The following STK32B variants were observed in gnomAD, a reference collection of about 807,000 sequenced individuals.
STK32B encodes serine/threonine-protein kinase 32B.
A neutral mutation model predicts 52.6 loss-of-function variants in STK32B; 43 were observed. The observed-to-expected ratio is 0.82, with a 90% CI of 0.64 to 1.05. The LOEUF (loss-of-function observed/expected upper bound fraction) is 1.05. Ranked by LOEUF, STK32B falls within the 50% of genes least tolerant of loss-of-function variation. The pLI is 0.00. For missense variants in STK32B, 621 were observed against 534.6 expected, an observed-to-expected ratio of 1.16 and a Z score of -1.59; for synonymous variants, 238 against 204.3, an observed-to-expected ratio of 1.17 and a Z score of -1.41.
chr4:5,498,849 A>G (rs1720497358), intron 11 of STK32B, 96 bp from the exon 12 acceptor site: 2 of 1,458,226 alleles, frequency 1.4e-6, no homozygotes, highest in Admixed American at 2.4e-5. Context: ...TTTGAGCTGA[A>G]GGCTCCACAG....
intron 3 of STK32B, among the ~76,000 whole-genome samples, chr4:5,201,015 A>G (rs1178970598): frequency 6.6e-6 from 1 of 152,212 alleles, no homozygotes; most frequent in Admixed American, 6.5e-5. Context: ...CTGTAAATGA[A>G]GAAATAGCTG....
chr4:5,456,957 G>C, intron 8 of STK32B, 34 bp downstream of exon 8: 1 of 1,445,220 alleles, frequency 6.9e-7, no homozygotes, highest in Non-Finnish European at 9.3e-7. Flanking sequence ...CCCCGCCAGG[G>C]AGCTACGGTG....
At chr4:5,349,863 A>G (rs1449391147) in intron 4 of STK32B, among the ~76,000 whole-genome samples, 1 of 152,208 alleles carries the variant, frequency 6.6e-6, no homozygotes, top group African/African-American at 2.4e-5. Context: ...CAGAGGCTTC[A>G]GTAATAGACT....
upstream of STK32B, among the ~76,000 whole-genome samples, chr4:5,048,541 C>T (rs1219984994): frequency 6.6e-6 from 1 of 152,188 alleles, no homozygotes; most frequent in East Asian, 1.9e-4. Flanking sequence ...AGGTAATCCA[C>T]CCACCTTGGC....
chr4:5,277,081 T>C (rs1392696431), intron 3 of STK32B, among the ~76,000 whole-genome samples: 1 of 152,226 alleles, frequency 6.6e-6, no homozygotes, highest in African/African-American at 2.4e-5. Flanking sequence ...ATCCTTATGA[T>C]ACATGTGGGG....
chr4:5,433,658 G>C (rs1167881225), intron 6 of STK32B, among the ~76,000 whole-genome samples: 1 of 152,154 alleles, frequency 6.6e-6, no homozygotes, highest in Non-Finnish European at 1.5e-5. Context: ...GTCAAGAAGA[G>C]AGCAAACACC....
At position 5,498,818 on chromosome 4, in the gene STK32B, A is replaced by G. The variant is rs535294878; in HGVS notation, c.1107-127A>G. 10 of 1,357,980 alleles carry G rather than the reference A, an allele frequency of 7.4e-6. No individual in the cohort carries two copies. The African/African-American group carries it at 7.5e-5, about 10-fold the overall frequency. The allele number at this position is 1,357,980 out of a possible 1,614,324, so 84.1% of individuals were successfully genotyped here. On this transcript the variant is annotated intron_variant, in intron 11 of 11. Transcript: ENST00000282908. ...AGCACCGTGGATGCCTTAATGATCA[A>G]TCTTCCCAGGTAGGGGAAGGTTTGA...
rs138725209 is a variant in STK32B, at chr4:5,353,672, A to G, written c.434+22279A>G. Among the ~76,000 whole-genome samples the G allele has an allele frequency of 1.8e-3, 280 of 152,344 alleles. 2 individuals carry two copies. Among genetic ancestry groups the G allele is most frequent in the African/African-American group, 6.3e-3 (264 of 41,590 alleles). ...ATCACTAATCATCAGGGAAATGAAAATCAAAAGAACAAGAAGATATTATCT... is the reference window on the plus strand; with the variant it reads ...ATCACTAATCATCAGGGAAATGAAAGTCAAAAGAACAAGAAGATATTATCT... On this transcript the variant is annotated intron_variant, in intron 4 of 11. Transcript: ENST00000282908.
intron 3 of STK32B, among the ~76,000 whole-genome samples, chr4:5,195,742 T>C (rs1040760422): frequency 6.6e-6 from 1 of 152,156 alleles, no homozygotes; most frequent in African/African-American, 2.4e-5. Flanking sequence ...TTCTGTGACG[T>C]CCTGGAAAAG....
chr4:5,061,213 G>C (rs1276724734), intron 1 of STK32B, among the ~76,000 whole-genome samples: 4 of 152,010 alleles, frequency 2.6e-5, no homozygotes, highest in African/African-American at 9.7e-5. Flanking sequence ...TTTTTAGTCT[G>C]AATATCTTCT....
At chr4:5,481,508 C>A (rs1035282103) in intron 11 of STK32B, among the ~76,000 whole-genome samples, 1 of 152,106 alleles carries the variant, frequency 6.6e-6, no homozygotes, top group Non-Finnish European at 1.5e-5. Context: ...GAGTAGATTG[C>A]AAAAATTTTC....
intron 3 of STK32B, among the ~76,000 whole-genome samples, chr4:5,275,506 C>G (rs1727753656): frequency 6.6e-6 from 1 of 152,126 alleles, no homozygotes; most frequent in Non-Finnish European, 1.5e-5. Flanking sequence ...GGAGGTGCAC[C>G]CTCTTTCGGG....
At chr4:5,023,311 G>A in the STK32B span, among the ~76,000 whole-genome samples, 2,693 of 152,246 alleles carry the variant, frequency 0.018, 35 homozygotes, top group Middle Eastern at 0.034. Flanking sequence ...CTGGGGTTTG[G>A]TAGAATAACA....
At chr4:5,455,038 A>G (rs578008267) in intron 7 of STK32B, among the ~76,000 whole-genome samples, 3 of 152,288 alleles carry the variant, frequency 2.0e-5, no homozygotes, top group East Asian at 3.9e-4. Flanking sequence ...TCCTCACTCA[A>G]TTAACAGATA....
intron 1 of STK32B, among the ~76,000 whole-genome samples, chr4:5,084,620 T>C (rs1480186512): frequency 6.6e-6 from 1 of 152,204 alleles, no homozygotes; most frequent in African/African-American, 2.4e-5. Flanking sequence ...CAGATTTTTA[T>C]TTTGTATTTC....
rs150179407 is a variant in STK32B at position 5,247,341 on chromosome 4, C to T, written c.260+78891C>T. ...CTCAGACTGCTGTGCTAGCAATGAGCGAGGCTCCATAGGCGTAGGACCCTC... is the reference window on the plus strand; with the variant it reads ...CTCAGACTGCTGTGCTAGCAATGAGTGAGGCTCCATAGGCGTAGGACCCTC... On this transcript the variant is annotated intron_variant, in intron 3 of 11. Transcript: ENST00000282908. Among the ~76,000 whole-genome samples the T allele has an allele frequency of 2.0e-3, 308 of 152,318 alleles. 1 individual carries two copies. The highest frequency in any genetic ancestry group is 6.9e-3 in the African/African-American group (287 of 41,574).
At chr4:5,031,753 G>T in the STK32B span, among the ~76,000 whole-genome samples, 1 of 152,130 alleles carries the variant, frequency 6.6e-6, no homozygotes, top group African/African-American at 2.4e-5. Flanking sequence ...GCAGGTCGGG[G>T]TCCCACTTAG....
chr4:5,095,804 G>A (rs779666692), intron 1 of STK32B, among the ~76,000 whole-genome samples: 5 of 152,182 alleles, frequency 3.3e-5, no homozygotes, highest in Non-Finnish European at 5.9e-5. Flanking sequence ...CCCACAATGA[G>A]CAACATACGC....
At chr4:5,412,948 C>T (rs971876845) in intron 5 of STK32B, among the ~76,000 whole-genome samples, 45 of 151,912 alleles carry the variant, frequency 3.0e-4, no homozygotes, top group African/African-American at 9.9e-4. Flanking sequence ...ACATTTTTCC[C>T]TTCCCTTCCT....
Sources: allele counts gnomAD v4.1 joint callset (sites outside exome capture counted in the v4.1 genomes callset), GRCh38; gene constraint gnomAD v4.1.1; transcripts MANE v1.5; gene names NCBI Gene and HGNC (gene_info 2026-07-23, HGNC 2026-07-21).